The following ACOXL variants were observed in gnomAD, a reference collection of about 807,000 sequenced individuals.
ACOXL encodes the protein acyl-CoA oxidase like.
In ACOXL, 70 loss-of-function variants were observed where a neutral mutation model predicts 71.9. The observed-to-expected ratio is 0.97, with a 90% CI of 0.80 to 1.19. ACOXL has a LOEUF of 1.19. ACOXL is among the 50% of genes most tolerant of loss of function. ACOXL has a pLI of 0.00. For synonymous variants in ACOXL, 253 were observed against 281.6 expected, an observed-to-expected ratio of 0.90 and a Z score of 1.02; for missense variants, 703 against 736.3, an observed-to-expected ratio of 0.95 and a Z score of 0.52.
chr2:110,962,734 A>T (rs1408977647), intron 12 of ACOXL, among the ~76,000 whole-genome samples: 1 of 152,256 alleles, frequency 6.6e-6, no homozygotes, highest in Non-Finnish European at 1.5e-5. Flanking sequence ...TGAAAATATT[A>T]TCAGAGCAAA....
chr2:110,796,434 T>C (rs1240347453), intron 5 of ACOXL, among the ~76,000 whole-genome samples: 1 of 152,246 alleles, frequency 6.6e-6, no homozygotes, highest in Non-Finnish European at 1.5e-5. Flanking sequence ...GTGTGTTATT[T>C]AGATGCAGCT....
intron 14 of ACOXL, among the ~76,000 whole-genome samples, chr2:111,001,723 G>A (rs886275399): frequency 2.6e-5 from 4 of 152,214 alleles, no homozygotes; most frequent in African/African-American, 9.6e-5. Flanking sequence ...TTAGTTAACA[G>A]CCTTCAAAGG....
At chr2:111,022,862 G>A (rs1475872592) in intron 14 of ACOXL, among the ~76,000 whole-genome samples, 2 of 152,180 alleles carry the variant, frequency 1.3e-5, no homozygotes, top group Non-Finnish European at 2.9e-5. Flanking sequence ...AAAGGAAGGA[G>A]AAGGAGGAAG....
chr2:111,022,768 G>A (rs999700378), intron 14 of ACOXL, among the ~76,000 whole-genome samples: 2 of 152,170 alleles, frequency 1.3e-5, no homozygotes, highest in South Asian at 2.1e-4. Context: ...AGAGGGAGGC[G>A]AGGGCAGGTA....
intron 12 of ACOXL, among the ~76,000 whole-genome samples, chr2:110,948,655 C>T (rs2061205407): frequency 7.4e-6 from 1 of 135,214 alleles, no homozygotes; most frequent in Non-Finnish European, 1.5e-5. Context: ...TGAATGTAGA[C>T]AGCTAAGACC....
chr2:110,945,882 A>G (rs1172768724), intron 12 of ACOXL, among the ~76,000 whole-genome samples: 1 of 152,134 alleles, frequency 6.6e-6, no homozygotes, highest in Admixed American at 6.5e-5. Context: ...AATTCTGTGA[A>G]GAATGTCATT....
chr2:111,015,463 A>G (rs752267069), intron 14 of ACOXL, among the ~76,000 whole-genome samples: 4 of 152,216 alleles, frequency 2.6e-5, no homozygotes, highest in Non-Finnish European at 4.4e-5. Context: ...ATGATTGACA[A>G]CACTCCATCC....
At chr2:110,781,310 AG>A (rs1187527187) in intron 2 of ACOXL, among the ~76,000 whole-genome samples, 8 of 152,222 alleles carry the variant, frequency 5.3e-5, no homozygotes, top group African/African-American at 1.9e-4. Context: ...CTGTTACTAT[AG>A]TCCAGGGCAC....
intron 12 of ACOXL, among the ~76,000 whole-genome samples, chr2:110,942,739 AAGTT>A (rs1236485747): frequency 6.6e-6 from 1 of 151,132 alleles, no homozygotes; most frequent in African/African-American, 2.4e-5. Context: ...AAAAAAAAAA[AAGTT>A]AGCTGGGTGT....
chr2:110,883,469 A>T (rs184972747), intron 10 of ACOXL, among the ~76,000 whole-genome samples: 2 of 152,186 alleles, frequency 1.3e-5, no homozygotes, highest in Non-Finnish European at 2.9e-5. Flanking sequence ...TCTGGTGTGC[A>T]TAGGATAGTC....
At chr2:111,009,392 T>C (rs2064030671) in intron 14 of ACOXL, among the ~76,000 whole-genome samples, 1 of 151,778 alleles carries the variant, frequency 6.6e-6, no homozygotes. Context: ...TGTGTGCCTG[T>C]AATCCCAGCT....
At position 111,118,496 on chromosome 2, in the gene ACOXL, CCTT is replaced by C. The variant is rs770120681; in HGVS notation, c.*681_*683del. On this transcript the variant is annotated 3_prime_UTR_variant, in exon 18 of 18. Transcript: ENST00000439055. ...TTTACCATCTGACGCTGTAGTCTGTCCTTTAGAAGAGAATAGGTGAAAAGTTTA... is the reference window on the plus strand; with the variant it reads ...TTTACCATCTGACGCTGTAGTCTGTCTAGAAGAGAATAGGTGAAAAGTTTA... 5.4e-4 allele frequency among the ~76,000 whole-genome samples: 82 copies of C among 152,264 alleles called. No individual in the cohort carries two copies. The highest frequency in any genetic ancestry group is 9.1e-4 in the Non-Finnish European group (62 of 68,022).
At chr2:110,740,630 A>G (rs975421431) in intron 1 of ACOXL, among the ~76,000 whole-genome samples, 2 of 152,236 alleles carry the variant, frequency 1.3e-5, no homozygotes, top group African/African-American at 4.8e-5. Flanking sequence ...ATGCCTTTGT[A>G]TTTGTAAACT....
intron 12 of ACOXL, among the ~76,000 whole-genome samples, chr2:110,971,573 A>G (rs570043320): frequency 1.8e-4 from 27 of 152,352 alleles, no homozygotes; most frequent in African/African-American, 6.5e-4. Context: ...TGATATCTCA[A>G]TGTTGTAAAC....
intron 17 of ACOXL, among the ~76,000 whole-genome samples, chr2:111,108,369 A>ATTTT (rs1173842815): frequency 3.2e-5 from 2 of 62,082 alleles, no homozygotes; most frequent in Admixed American, 1.3e-4. Context: ...AAGTGCATGA[A>ATTTT]TCTTTTTTTT....
intron 16 of ACOXL, among the ~76,000 whole-genome samples, chr2:111,050,685 G>T (rs991494828): frequency 6.6e-5 from 10 of 152,266 alleles, no homozygotes; most frequent in South Asian, 6.2e-4. Flanking sequence ...TCCCCTGGAG[G>T]TTACATGGGC....
intron 13 of ACOXL, among the ~76,000 whole-genome samples, chr2:110,988,095 C>T (rs1245692725): frequency 1.3e-5 from 2 of 152,148 alleles, no homozygotes; most frequent in Non-Finnish European, 2.9e-5. Context: ...ACTAGTGATG[C>T]TCTCTGATAT....
chr2:110,769,462 C>A (rs1681586058), intron 2 of ACOXL, among the ~76,000 whole-genome samples: 1 of 150,944 alleles, frequency 6.6e-6, no homozygotes, highest in Non-Finnish European at 1.5e-5. Context: ...CTGGCCTGGG[C>A]AACATGGTGA....
At position 110,853,113 on chromosome 2, in the gene ACOXL, A is replaced by G. The variant is rs541822996; in HGVS notation, c.788+11708A>G. Among the ~76,000 whole-genome samples, 3 of 152,200 alleles carry G rather than the reference A, an allele frequency of 2.0e-5. No homozygotes were observed. The South Asian group carries it at 6.2e-4, about 32-fold the overall frequency. On this transcript the variant is annotated intron_variant, in intron 10 of 17. Transcript: ENST00000439055. ...TGCCGGGCCTCGGGCGGGGTGGTCCATCTTGGTGGCTGTTTACTTAATCTC... is the reference window on the plus strand; with the variant it reads ...TGCCGGGCCTCGGGCGGGGTGGTCCGTCTTGGTGGCTGTTTACTTAATCTC...
Sources: gnomAD v4.1 joint callset for allele counts (sites outside exome capture counted in the v4.1 genomes callset) on GRCh38, gnomAD v4.1.1 for gene constraint, MANE v1.5 for transcripts, NCBI Gene and HGNC (gene_info 2026-07-23, HGNC 2026-07-21) for gene names.